SVIL: variants seen among roughly 807,000 people sequenced by gnomAD.
SVIL encodes the protein supervillin.
In SVIL, 101 loss-of-function variants were observed where a neutral mutation model predicts 240.4. The ratio of observed to expected loss-of-function variants is 0.42; its 90% CI spans 0.36 to 0.50. The LOEUF is 0.50. SVIL is among the 20% of genes least tolerant of loss of function. The pLI, the probability that SVIL is intolerant of heterozygous loss-of-function variation, is 0.01. For synonymous variants in SVIL, 999 were observed against 1,100.0 expected, an observed-to-expected ratio of 0.91 and a Z score of 1.82; for missense variants, 2,512 against 2,818.7, an observed-to-expected ratio of 0.89 and a Z score of 2.46.
chr10:29,643,547 C>A (rs901460779), intron 3 of SVIL, among the ~76,000 whole-genome samples: 11 of 152,062 alleles, frequency 7.2e-5, no homozygotes, highest in Non-Finnish European at 1.6e-4. Context: ...GTACCATGGG[C>A]AAGTCATTTT....
chr10:29,512,807 C>A lies in SVIL; in HGVS notation c.3444G>T (p.Arg1148Ser), dbSNP rs750000482. The A allele has an allele frequency of 3.1e-6, 5 of 1,613,074 alleles. No homozygotes were observed. Among genetic ancestry groups the A allele is most frequent in the Non-Finnish European group, 4.2e-6 (5 of 1,180,032 alleles). The change falls in exon 17 of 38, where the codon AGG (arginine) becomes AGT (serine). Residue 1148 changes from arginine (R) to serine (S), a missense_variant. Arg to Ser is a moderately radical substitution (Grantham distance 110). Transcript: ENST00000355867. ...GEEDWRNRLS[R>S]RQEGGKAPAS... Reference sequence around the variant, plus strand: ...CCGGCGCCTTGCCGCCCTCCTGCCTCCTGCTGAGTCTGTTTCTCCAATCTT... The same window carrying A: ...CCGGCGCCTTGCCGCCCTCCTGCCTACTGCTGAGTCTGTTTCTCCAATCTT...
At chr10:29,597,259 A>G (rs1281208563) in intron 1 of SVIL, among the ~76,000 whole-genome samples, 1 of 152,200 alleles carries the variant, frequency 6.6e-6, no homozygotes, top group Non-Finnish European at 1.5e-5. Context: ...AAGGGGAAAG[A>G]GGGCACTGAG....
chr10:29,538,614 C>A (rs539610290), intron 6 of SVIL, among the ~76,000 whole-genome samples: 80 of 152,334 alleles, frequency 5.3e-4, no homozygotes, highest in African/African-American at 1.8e-3. Flanking sequence ...AGATCGCCAC[C>A]AGCCATACAA....
In SVIL at chr10:29,646,109, G is replaced by C. The variant is rs188941882; in HGVS notation, c.-201+11860C>G. Among the ~76,000 whole-genome samples, 253 of 152,252 alleles carry C rather than the reference G, an allele frequency of 1.7e-3. 1 individual carries two copies. The highest frequency in any genetic ancestry group is 5.8e-3 in the African/African-American group (241 of 41,556). ...AGTGCCTAGGATATATTAAGTGCTC[G>C]ATAAATATTTCTTGAACGAATAAGG... On this transcript the variant is annotated intron_variant, in intron 3 of 35. Coordinates refer to the SVIL transcript ENST00000375400.
At chr10:29,617,521 C>T (rs941603495) in intron 1 of SVIL, among the ~76,000 whole-genome samples, 2 of 149,594 alleles carry the variant, frequency 1.3e-5, no homozygotes, top group Non-Finnish European at 3.0e-5. Context: ...GCAGAGGTTG[C>T]GGTGAGCCGA....
At chr10:29,553,159 T>C (rs779717517) in intron 5 of SVIL, among the ~76,000 whole-genome samples, 6 of 146,074 alleles carry the variant, frequency 4.1e-5, no homozygotes, top group Admixed American at 7.1e-5. Flanking sequence ...GATTTTAAAA[T>C]ATCTTAGTTT....
chr10:29,699,186 G>A (rs1962314813), intron 1 of SVIL, among the ~76,000 whole-genome samples: 1 of 152,172 alleles, frequency 6.6e-6, no homozygotes, highest in Admixed American at 6.5e-5. Flanking sequence ...CTAGAATGCA[G>A]TGTGTGATCA....
chr10:29,619,111 G>A (rs1015152468), intron 1 of SVIL, among the ~76,000 whole-genome samples: 1 of 152,230 alleles, frequency 6.6e-6, no homozygotes, highest in East Asian at 1.9e-4. Flanking sequence ...ACTGGAAGCC[G>A]TGAAAATTCT....
chr10:29,529,084 G>A (rs1458800142), intron 12 of SVIL, among the ~76,000 whole-genome samples: 1 of 147,564 alleles, frequency 6.8e-6, no homozygotes, highest in African/African-American at 2.5e-5. Flanking sequence ...GTGGAGGCAG[G>A]AGAATCGCTT....
At chr10:29,512,484 C>T (rs1949908059) in intron 17 of SVIL, among the ~76,000 whole-genome samples, 1 of 152,304 alleles carries the variant, frequency 6.6e-6, no homozygotes, top group African/African-American at 2.4e-5. Flanking sequence ...AAAAAGTCCA[C>T]ACTTTAAAAT....
At chr10:29,657,754 C>G (rs959983071) in intron 3 of SVIL, 1 of 152,190 alleles carries the variant, frequency 6.6e-6, no homozygotes, top group Non-Finnish European at 1.5e-5. Flanking sequence ...AAAATGAAGA[C>G]ATTTCCAACC....
intron 5 of SVIL, among the ~76,000 whole-genome samples, chr10:29,553,752 C>A (rs12413724): frequency 0.12 from 18,116 of 152,226 alleles, 1,242 homozygotes; most frequent in Non-Finnish European, 0.15. Flanking sequence ...GAGTCACGTG[C>A]ACTCAACATA....
At chr10:29,562,295 G>A (rs1312335263) in intron 3 of SVIL, among the ~76,000 whole-genome samples, 1 of 152,226 alleles carries the variant, frequency 6.6e-6, no homozygotes, top group Non-Finnish European at 1.5e-5. Flanking sequence ...GGTAACACTA[G>A]GGGGAATTGG....
intron 1 of SVIL, among the ~76,000 whole-genome samples, chr10:29,577,592 C>A (rs770853981): frequency 1.3e-5 from 2 of 152,122 alleles, no homozygotes; most frequent in Non-Finnish European, 2.9e-5. Context: ...GGTCTGTGGG[C>A]ACTTAGGTTG....
chr10:29,477,078 T>C (rs927438717), intron 29 of SVIL, among the ~76,000 whole-genome samples: 17 of 152,046 alleles, frequency 1.1e-4, no homozygotes, highest in African/African-American at 4.1e-4. Context: ...TTGGCCAGGA[T>C]AGTCTCGAAC....
At chr10:29,481,562 T>G in intron 28 of SVIL, 22 bp downstream of exon 28, 1 of 1,612,580 alleles carries the variant, frequency 6.2e-7, no homozygotes, top group Non-Finnish European at 8.5e-7. Context: ...CCCCGAGTTT[T>G]GAGGCTTGGT....
At chr10:29,622,639 G>A (rs1777329) in intron 1 of SVIL, among the ~76,000 whole-genome samples, 13,857 of 152,160 alleles carry the variant, frequency 0.091, 782 homozygotes, top group Admixed American at 0.14. Context: ...CCATCCATAC[G>A]TTTAAACACG....
chr10:29,517,605 C>G (rs969433871), intron 16 of SVIL, among the ~76,000 whole-genome samples: 18 of 152,196 alleles, frequency 1.2e-4, no homozygotes, highest in African/African-American at 3.4e-4. Flanking sequence ...GGTGGGATAC[C>G]GAAGGGTGGA....
intron 1 of SVIL, among the ~76,000 whole-genome samples, chr10:29,580,747 G>A (rs1288952991): frequency 6.6e-6 from 1 of 152,118 alleles, no homozygotes; most frequent in African/African-American, 2.4e-5. Flanking sequence ...GCTCATTGCA[G>A]CCTCAACCTC....
Sources: gnomAD v4.1 joint callset for allele counts (sites outside exome capture counted in the v4.1 genomes callset) on GRCh38, gnomAD v4.1.1 for gene constraint, MANE v1.5 for transcripts, NCBI Gene and HGNC (gene_info 2026-07-23, HGNC 2026-07-21) for gene names.